GAS7: variants seen among roughly 807,000 people sequenced by gnomAD.
The protein encoded by GAS7 is growth arrest specific 7, also known as growth arrest-specific protein 7.
In GAS7, 28 loss-of-function variants were observed where a neutral mutation model predicts 71.1. The observed-to-expected ratio is 0.39, with a 90% CI of 0.29 to 0.54. GAS7 has a LOEUF of 0.54. Ranked by LOEUF, GAS7 falls within the 20% of genes least tolerant of loss-of-function variation. The probability of loss-of-function intolerance (pLI) is 0.62; values close to 1 mark genes in which losing one functional copy is unlikely to be tolerated. For synonymous variants in GAS7, 258 were observed against 245.8 expected (o/e 1.05, Z -0.46); for missense variants, 436 against 627.8 (o/e 0.69, Z 3.27).
intron 9 of GAS7, among the ~76,000 whole-genome samples, chr17:9,930,921 C>T (rs1293313782): frequency 2.0e-5 from 3 of 152,196 alleles, no homozygotes; most frequent in East Asian, 1.9e-4. Context: ...TTTTGCATGA[C>T]GGGTCTTCAT....
intron 5 of GAS7, among the ~76,000 whole-genome samples, chr17:9,955,922 T>C (rs538055825): frequency 6.6e-6 from 1 of 152,326 alleles, no homozygotes; most frequent in African/African-American, 2.4e-5. Flanking sequence ...GGGTCCACTG[T>C]GCAGCTGGGG....
At position 10,172,513 on chromosome 17, in the gene GAS7, A is replaced by T. The variant is rs73279965; in HGVS notation, c.183+25695T>A. Among the ~76,000 whole-genome samples the T allele has an allele frequency of 4.2e-3, 639 of 152,360 alleles. 5 individuals carry two copies. Among genetic ancestry groups the T allele is most frequent in the African/African-American group, 0.015 (603 of 41,586 alleles). On this transcript the variant is annotated intron_variant, in intron 1 of 13. Transcript: ENST00000432992. ...TTAGCAAAAGGAGAAATGAGGAAGC[A>T]GATTAAAAAAAAAGAAGAAGAAAAA...
chr17:10,182,114 T>A (rs1324428451), intron 1 of GAS7, among the ~76,000 whole-genome samples: 1 of 152,154 alleles, frequency 6.6e-6, no homozygotes, highest in Non-Finnish European at 1.5e-5. Context: ...GTATAGTCAG[T>A]CAAGCAGCCC....
chr17:10,082,725 C>T (rs2073471419), intron 1 of GAS7, among the ~76,000 whole-genome samples: 1 of 152,188 alleles, frequency 6.6e-6, no homozygotes, highest in Non-Finnish European at 1.5e-5. Flanking sequence ...ATAGCTAAAT[C>T]ATGGAAGCAA....
Position 10,116,750 on chromosome 17 carries a change from C to G in GAS7, c.183+81458G>C, listed in dbSNP as rs1019550594. On this transcript the variant is annotated intron_variant, in intron 1 of 13. Transcript: ENST00000432992. ...CCTCTTATACACCAGACGCAGGTTT[C>G]GACACTGGGATACATCAGTTAACAA... Among the ~76,000 whole-genome samples, 4 of 152,108 alleles carry G rather than the reference C, an allele frequency of 2.6e-5. No individual in the cohort carries two copies. In the South Asian group the frequency reaches 8.3e-4, roughly 32 times the overall value.
intron 2 of GAS7, among the ~76,000 whole-genome samples, chr17:10,015,133 G>A (rs1211249070): frequency 6.6e-6 from 1 of 150,506 alleles, no homozygotes; most frequent in Non-Finnish European, 1.5e-5. Context: ...CCAGTCTGGC[G>A]ACAGAGCGAG....
At position 9,914,948 on chromosome 17, in the gene GAS7, C is replaced by T. The variant is rs188040172; in HGVS notation, c.*2280G>A. 6 of 232,434 alleles carry T rather than the reference C, an allele frequency of 2.6e-5. No individual in the cohort carries two copies. Among genetic ancestry groups the T allele is most frequent in the East Asian group, 6.1e-5 (1 of 16,492 alleles). 14.4% of individuals were successfully genotyped at this position (232,434 alleles called of 1,614,324 possible). A position where few individuals can be genotyped will look rare whatever the true frequency, so the allele number is the denominator to read the frequency against. Reference sequence around the variant, plus strand: ...TGCTGACCGGTAAGACCCCTGAAAACGAGCGATCACGGGCTTCCCTGACGA... The same window carrying T: ...TGCTGACCGGTAAGACCCCTGAAAATGAGCGATCACGGGCTTCCCTGACGA... On this transcript the variant is annotated 3_prime_UTR_variant, in exon 14 of 14. Coordinates refer to ENST00000432992, the MANE Select transcript of GAS7 (RefSeq NM_201433.2).
intron 1 of GAS7, among the ~76,000 whole-genome samples, chr17:10,160,144 G>A (rs757892597): frequency 7.2e-5 from 11 of 151,812 alleles, no homozygotes; most frequent in Admixed American, 4.6e-4. Flanking sequence ...GAGCTCAAGC[G>A]ATCCACCCAC....
chr17:9,930,587 A>C (rs2068173896), intron 9 of GAS7, among the ~76,000 whole-genome samples: 1 of 152,218 alleles, frequency 6.6e-6, no homozygotes, highest in African/African-American at 2.4e-5. Context: ...TTTCTTTAGC[A>C]ATCTGTTGCT....
At chr17:9,938,573 G>A (rs985827164) in intron 8 of GAS7, among the ~76,000 whole-genome samples, 4 of 151,142 alleles carry the variant, frequency 2.6e-5, no homozygotes, top group South Asian at 4.2e-4. Flanking sequence ...ATCAGAAGGC[G>A]GCCATCTGCA....
At chr17:10,149,383 G>A (rs893402520) in intron 1 of GAS7, among the ~76,000 whole-genome samples, 23 of 152,154 alleles carry the variant, frequency 1.5e-4, no homozygotes, top group African/African-American at 5.3e-4. Flanking sequence ...GATTACAGAC[G>A]TGAGCCACCG....
chr17:10,167,843 C>T (rs951512295), intron 1 of GAS7, among the ~76,000 whole-genome samples: 1 of 152,084 alleles, frequency 6.6e-6, no homozygotes, highest in Non-Finnish European at 1.5e-5. Context: ...GGACTACAGG[C>T]ATGCACCACC....
chr17:10,114,537 C>G (rs1016651133), intron 1 of GAS7: 1 of 152,128 alleles, frequency 6.6e-6, no homozygotes, highest in Admixed American at 6.6e-5. Flanking sequence ...CTGCTTCTCA[C>G]TCCAGGGAAG....
At position 9,968,341 on chromosome 17, in the gene GAS7, A is replaced by G. The variant is rs541334062; in HGVS notation, c.471+1336T>C. On this transcript the variant is annotated intron_variant, in intron 4 of 13. Transcript: ENST00000432992. ...GAGTGGTCCTCAGACCTACAGCATC[A>G]GCGTCACCTCGGAGCTGGCTGGAAA... Among the ~76,000 whole-genome samples, 37 of 152,304 alleles carry G rather than the reference A, an allele frequency of 2.4e-4. No individual in the cohort carries two copies. In the Middle Eastern group the frequency reaches 0.01, roughly 42 times the overall value.
At chr17:10,075,254 G>A (rs2073378277) in intron 1 of GAS7, among the ~76,000 whole-genome samples, 1 of 152,004 alleles carries the variant, frequency 6.6e-6, no homozygotes, top group African/African-American at 2.4e-5. Context: ...TACTCAGGAG[G>A]CTGAGGCAGG....
chr17:9,950,421 A>G (rs1473407615), intron 5 of GAS7, among the ~76,000 whole-genome samples: 3 of 152,186 alleles, frequency 2.0e-5, no homozygotes, highest in Non-Finnish European at 2.9e-5. Flanking sequence ...CTGAAGCAGG[A>G]GGATCTCTTG....
chr17:10,071,473 G>A (rs1438530472), intron 1 of GAS7, among the ~76,000 whole-genome samples: 1 of 152,144 alleles, frequency 6.6e-6, no homozygotes, highest in Admixed American at 6.6e-5. Context: ...TGAGGAGGTG[G>A]GTGCAATCGG....
At chr17:10,089,903 C>T (rs1223075885) in intron 1 of GAS7, among the ~76,000 whole-genome samples, 1 of 152,160 alleles carries the variant, frequency 6.6e-6, no homozygotes, top group Non-Finnish European at 1.5e-5. Flanking sequence ...TGCAGTGGCT[C>T]ACACCTCTAA....
At chr17:10,000,389 A>C in intron 2 of GAS7, among the ~76,000 whole-genome samples, 1 of 152,182 alleles carries the variant, frequency 6.6e-6, no homozygotes, top group East Asian at 1.9e-4. Context: ...TGGAGGTAGG[A>C]CCCTTTAAAA....
Sources: allele counts gnomAD v4.1 joint callset (sites outside exome capture counted in the v4.1 genomes callset), GRCh38; gene constraint gnomAD v4.1.1; transcripts MANE v1.5; gene names NCBI Gene and HGNC (gene_info 2026-07-23, HGNC 2026-07-21).